Variants in NKAIN3 observed in about 807,000 individuals in gnomAD.
NKAIN3 encodes the protein sodium/potassium transporting ATPase interacting 3.
NKAIN3 carries 25 observed loss-of-function variants against 30.2 expected under a neutral mutation model. That is an observed-to-expected ratio of 0.83 (90% CI 0.60 to 1.16). NKAIN3 has a LOEUF of 1.16. NKAIN3 is among the 50% of genes most tolerant of loss of function. The pLI is 0.00. For missense variants in NKAIN3, 225 were observed against 254.1 expected, an observed-to-expected ratio of 0.89 and a Z score of 0.78; for synonymous variants, 91 against 89.6, an observed-to-expected ratio of 1.02 and a Z score of -0.09.
intron 1 of NKAIN3, among the ~76,000 whole-genome samples, chr8:62,330,838 C>A (rs1441081586): frequency 6.6e-6 from 1 of 151,936 alleles, no homozygotes; most frequent in Non-Finnish European, 1.5e-5. Flanking sequence ...TGCATGAATT[C>A]TCTGTATCCC....
intron 4 of NKAIN3, among the ~76,000 whole-genome samples, chr8:62,828,614 G>C (rs910538951): frequency 9.5e-6 from 1 of 105,576 alleles, no homozygotes; most frequent in Admixed American, 9.0e-5. Context: ...ATTGAGACAG[G>C]AGGAGTCAAC....
At chr8:62,724,804 A>T (rs1299183576) in intron 3 of NKAIN3, among the ~76,000 whole-genome samples, 2 of 152,128 alleles carry the variant, frequency 1.3e-5, no homozygotes, top group Non-Finnish European at 2.9e-5. Context: ...GTTGCCCCAA[A>T]ATCTTGGCTA....
chr8:62,451,207 C>T (rs559166561), intron 1 of NKAIN3, among the ~76,000 whole-genome samples: 7 of 151,750 alleles, frequency 4.6e-5, no homozygotes, highest in African/African-American at 1.2e-4. Flanking sequence ...ATCATTGAAT[C>T]GCCTTCTCTT....
chr8:62,341,907 A>C (rs1268557724), intron 1 of NKAIN3, among the ~76,000 whole-genome samples: 1 of 151,928 alleles, frequency 6.6e-6, no homozygotes, highest in East Asian at 1.9e-4. Context: ...TTTCCCATTT[A>C]ACTTTTCTCT....
intron 4 of NKAIN3, among the ~76,000 whole-genome samples, chr8:62,851,836 T>C (rs1819909268): frequency 6.6e-6 from 1 of 152,230 alleles, no homozygotes; most frequent in African/African-American, 2.4e-5. Context: ...AGCTTTTTGA[T>C]GTGCTGCTGG....
At chr8:62,378,369 G>A (rs1817162858) in intron 1 of NKAIN3, among the ~76,000 whole-genome samples, 1 of 152,200 alleles carries the variant, frequency 6.6e-6, no homozygotes, top group Non-Finnish European at 1.5e-5. Context: ...TTTCTAGGGA[G>A]AAATTCAAGC....
chr8:62,863,623 C>T (rs1820324867), intron 4 of NKAIN3: 2 of 1,201,572 alleles, frequency 1.7e-6, no homozygotes, highest in Admixed American at 3.4e-5. Flanking sequence ...GCTGGATCAC[C>T]ATGTCTTTGT....
chr8:62,997,895 C>T (rs1804157513), intron 5 of NKAIN3, among the ~76,000 whole-genome samples: 1 of 152,108 alleles, frequency 6.6e-6, no homozygotes, highest in African/African-American at 2.4e-5. Context: ...ACTTGTATTA[C>T]CCCTTAGGGC....
chr8:62,412,018 A>T (rs1273611636), intron 1 of NKAIN3, among the ~76,000 whole-genome samples: 1 of 152,176 alleles, frequency 6.6e-6, no homozygotes, highest in African/African-American at 2.4e-5. Context: ...TTACTAAAAA[A>T]CTACCAAAGT....
At chr8:62,902,349 A>G (rs192417589) in intron 4 of NKAIN3, among the ~76,000 whole-genome samples, 1 of 152,314 alleles carries the variant, frequency 6.6e-6, no homozygotes, top group East Asian at 1.9e-4. Flanking sequence ...ATAGCTCAAG[A>G]TGGGAATGTG....
chr8:62,884,658 C>T (rs781605009), intron 4 of NKAIN3, among the ~76,000 whole-genome samples: 3 of 149,670 alleles, frequency 2.0e-5, no homozygotes, highest in Admixed American at 6.7e-5. Context: ...TTATAGATTC[C>T]GTTTCTTTAA....
chr8:62,274,447 G>C (rs376266213), intron 1 of NKAIN3, among the ~76,000 whole-genome samples: 1 of 152,064 alleles, frequency 6.6e-6, no homozygotes, highest in African/African-American at 2.4e-5. Flanking sequence ...AATGCAGATG[G>C]TCCTCAGACT....
chr8:62,964,551 T>A (rs962784865), intron 6 of NKAIN3, among the ~76,000 whole-genome samples: 22 of 143,832 alleles, frequency 1.5e-4, no homozygotes, highest in Admixed American at 6.9e-4. Flanking sequence ...TGTGTGTGTG[T>A]GTGTGTGTGT....
chr8:62,732,799 C>A (rs187370428), intron 3 of NKAIN3, among the ~76,000 whole-genome samples: 1 of 152,048 alleles, frequency 6.6e-6, no homozygotes, highest in East Asian at 1.9e-4. Context: ...ATAATTATAT[C>A]ACATTTATAC....
At chr8:62,731,073 T>C (rs1227983906) in intron 3 of NKAIN3, among the ~76,000 whole-genome samples, 1 of 152,048 alleles carries the variant, frequency 6.6e-6, no homozygotes, top group African/African-American at 2.4e-5. Flanking sequence ...TACCCTACAC[T>C]CCCCTTGTTT....
intron 1 of NKAIN3, among the ~76,000 whole-genome samples, chr8:62,331,976 G>A (rs778088730): frequency 7.9e-5 from 12 of 151,998 alleles, no homozygotes; most frequent in Admixed American, 3.3e-4. Flanking sequence ...AAATATGCTC[G>A]GATGATCATG....
At chr8:62,990,335 C>A in intron 5 of NKAIN3, 2 of 1,338,584 alleles carry the variant, frequency 1.5e-6, no homozygotes, top group South Asian at 2.3e-5. Context: ...TTCTAAACCC[C>A]AGATTCAACA....
chr8:62,481,887 G>A (rs1806733112), intron 1 of NKAIN3, among the ~76,000 whole-genome samples: 1 of 152,182 alleles, frequency 6.6e-6, no homozygotes, highest in African/African-American at 2.4e-5. Flanking sequence ...GAACCTCAGA[G>A]TGTGTTTACC....
intron 4 of NKAIN3, among the ~76,000 whole-genome samples, chr8:62,887,546 T>C (rs542398287): frequency 6.6e-6 from 1 of 152,268 alleles, no homozygotes; most frequent in African/African-American, 2.4e-5. Context: ...AATAACCTGT[T>C]CTTGTTTTTT....
Sources: allele counts gnomAD v4.1 joint callset (sites outside exome capture counted in the v4.1 genomes callset), GRCh38; gene constraint gnomAD v4.1.1; transcripts MANE v1.5; gene names NCBI Gene and HGNC (gene_info 2026-07-23, HGNC 2026-07-21).